The following COL4A6 variants were observed in gnomAD, a reference collection of about 807,000 sequenced individuals.
COL4A6 encodes collagen alpha-6(IV) chain.
A neutral mutation model predicts 126.7 loss-of-function variants in COL4A6; 59 were observed. The ratio of observed to expected loss-of-function variants is 0.47; its 90% CI spans 0.38 to 0.58. COL4A6 has a LOEUF of 0.58. Ranked by LOEUF, COL4A6 falls within the 20% of genes least tolerant of loss-of-function variation. The pLI, the probability that COL4A6 is intolerant of heterozygous loss-of-function variation, is 0.00. For synonymous variants in COL4A6, 547 were observed against 496.6 expected, an observed-to-expected ratio of 1.10 and a Z score of -1.35; for missense variants, 1,285 against 1,337.3, an observed-to-expected ratio of 0.96 and a Z score of 0.61.
rs1277343563 is a variant in COL4A6 at position 108,398,922 on chromosome X, T to A, written c.63+39020A>T. 2.7e-5 allele frequency among the ~76,000 whole-genome samples: 3 copies of A among 111,611 alleles called. No individual in the cohort carries two copies. In the East Asian group the frequency reaches 8.4e-4, roughly 31 times the overall value. On this transcript the variant is annotated intron_variant, in intron 2 of 44. Coordinates refer to ENST00000334504, the MANE Select transcript of COL4A6 (RefSeq NM_033641.4). ...GAAAGACAAAAGAGAAAAGTGGCAA[T>A]AAATACTTTGGCGCTAGAGTGTCAG...
rs1465366524 is a variant in COL4A6, at chrX:108,179,452, G to C, written c.2132-14C>G. The C allele has an allele frequency of 3.4e-6, 4 of 1,172,734 alleles. No individual in the cohort carries two copies. The highest frequency in any genetic ancestry group is 4.6e-6 in the Non-Finnish European group (4 of 868,715). Reference sequence around the variant, plus strand: ...GTCCAGGAAATCCTAAACGTAAAAAGGCGAACATAAAAGACCATGGCTGTT... The same window carrying C: ...GTCCAGGAAATCCTAAACGTAAAAACGCGAACATAAAAGACCATGGCTGTT... On this transcript the variant is annotated splice_polypyrimidine_tract_variant and intron_variant, in intron 25 of 44. Coordinates refer to ENST00000334504, the MANE Select transcript of COL4A6 (RefSeq NM_033641.4).
chrX:108,420,930 T>C lies in COL4A6; in HGVS notation c.63+17012A>G, dbSNP rs755996815. ...AGCAGGGGAGAACTACATTTTTACT[T>C]TCTGAGGTCCTTAAAAGTGACCGGG... On this transcript the variant is annotated intron_variant, in intron 2 of 44. Transcript: ENST00000334504. Among the ~76,000 whole-genome samples, 7 of 111,835 alleles carry C rather than the reference T, an allele frequency of 6.3e-5. No individual in the cohort carries two copies. The East Asian group carries it at 2.0e-3, about 32-fold the overall frequency.
chrX:108,357,067 T>C lies in COL4A6; in HGVS notation c.64-46239A>G, dbSNP rs957900395. On this transcript the variant is annotated intron_variant, in intron 2 of 44. Transcript: ENST00000334504. ...TTACCTCTTTCTAGGCTGTTCTCTA[T>C]TCCTTTTTAGCAGTTTGGTTTTTCT... 5.4e-5 allele frequency among the ~76,000 whole-genome samples: 6 copies of C among 112,146 alleles called. No homozygotes were observed. The South Asian group carries it at 1.9e-3, about 35-fold the overall frequency.
At chrX:108,341,506 G>A (rs1298274303) in intron 2 of COL4A6, among the ~76,000 whole-genome samples, 1 of 110,446 alleles carries the variant, frequency 9.1e-6, no homozygotes, top group Non-Finnish European at 1.9e-5. Flanking sequence ...CTTTCTTTTG[G>A]CTCTCATTCT....
intron 3 of COL4A6, among the ~76,000 whole-genome samples, chrX:108,310,332 C>G (rs1232707753): frequency 8.9e-6 from 1 of 112,016 alleles, no homozygotes; most frequent in Non-Finnish European, 1.9e-5. Context: ...CTATCACTAA[C>G]AAGCAGGGTG....
chrX:108,439,339 C>T (rs991633254), upstream of COL4A6: 1 of 773,488 alleles, frequency 1.3e-6, no homozygotes, highest in Non-Finnish European at 1.9e-6. Flanking sequence ...TATTCACGCA[C>T]ATATACTTAT....
At chrX:108,332,617 T>A (rs1360826138) in intron 2 of COL4A6, among the ~76,000 whole-genome samples, 1 of 112,244 alleles carries the variant, frequency 8.9e-6, no homozygotes, top group Non-Finnish European at 1.9e-5. Flanking sequence ...TTGGGCATGT[T>A]TTCATGTTTG....
chrX:108,236,359 A>G (rs2036429761), intron 3 of COL4A6, among the ~76,000 whole-genome samples: 1 of 111,093 alleles, frequency 9.0e-6, no homozygotes, highest in Admixed American at 9.6e-5. Context: ...GGGTGGGAGA[A>G]GCTCTAGTAA....
intron 3 of COL4A6, among the ~76,000 whole-genome samples, chrX:108,224,410 C>A (rs900110171): frequency 1.8e-5 from 2 of 112,074 alleles, no homozygotes; most frequent in Admixed American, 1.9e-4. Flanking sequence ...GGACTGGCCC[C>A]AGGTTCCAGC....
At chrX:108,418,603 C>A (rs1569461923) in intron 2 of COL4A6, among the ~76,000 whole-genome samples, 1 of 112,078 alleles carries the variant, frequency 8.9e-6, no homozygotes, top group Non-Finnish European at 1.9e-5. Context: ...GTAAAACTGG[C>A]TTTGACTTTG....
intron 2 of COL4A6, among the ~76,000 whole-genome samples, chrX:108,388,887 T>C (rs1029633998): frequency 1.8e-5 from 2 of 111,909 alleles, no homozygotes; most frequent in African/African-American, 6.5e-5. Context: ...ACTGCTTTAA[T>C]GTGTCCCAGT....
intron 2 of COL4A6, among the ~76,000 whole-genome samples, chrX:108,419,833 C>T (rs1278675690): frequency 8.9e-6 from 1 of 111,838 alleles, no homozygotes; most frequent in African/African-American, 3.2e-5. Context: ...TTGTCCATCG[C>T]TACAGCATAC....
intron 2 of COL4A6, among the ~76,000 whole-genome samples, chrX:108,391,380 A>G (rs190817269): frequency 9.0e-6 from 1 of 111,673 alleles, no homozygotes; most frequent in African/African-American, 3.3e-5. Flanking sequence ...CCTTTTTTTC[A>G]GAGACACCCT....
At chrX:108,254,502 GTTTTTGT>G (rs752616123) in intron 3 of COL4A6, among the ~76,000 whole-genome samples, 71 of 110,895 alleles carry the variant, frequency 6.4e-4, no homozygotes, top group African/African-American at 1.5e-3. Flanking sequence ...AGTTCACTTT[GTTTTTGT>G]TTTTTGTTTT....
At chrX:108,201,218 G>A (rs747230668) in intron 13 of COL4A6, among the ~76,000 whole-genome samples, 94 of 111,811 alleles carry the variant, frequency 8.4e-4, no homozygotes, top group African/African-American at 2.7e-3. Flanking sequence ...AAGGAATGGA[G>A]TCATCTATCC....
intron 3 of COL4A6, among the ~76,000 whole-genome samples, chrX:108,284,012 A>AG (rs1195744206): frequency 8.9e-6 from 1 of 111,807 alleles, no homozygotes; most frequent in Non-Finnish European, 1.9e-5. Context: ...ATACAGAGGC[A>AG]GAAATAACTG....
chrX:108,258,779 T>C (rs1047611879), intron 3 of COL4A6, among the ~76,000 whole-genome samples: 6 of 111,951 alleles, frequency 5.4e-5, no homozygotes, highest in African/African-American at 1.6e-4. Context: ...GTAATTATAG[T>C]ATTTAATAAA....
At chrX:108,192,849 A>G (rs889719524) in intron 17 of COL4A6, among the ~76,000 whole-genome samples, 1 of 112,576 alleles carries the variant, frequency 8.9e-6, no homozygotes, top group African/African-American at 3.2e-5. Flanking sequence ...TTCTTCTACC[A>G]CTAATCTGCT....
chrX:108,175,226 G>A lies in COL4A6; in HGVS notation c.2831-11C>T. The A allele has an allele frequency of 8.6e-7, 1 of 1,164,001 alleles. No individual in the cohort carries two copies. The highest frequency in any genetic ancestry group is 1.1e-6 in the Non-Finnish European group (1 of 874,047). On this transcript the variant is annotated splice_polypyrimidine_tract_variant and intron_variant, in intron 29 of 44. Transcript: ENST00000334504. Reference sequence around the variant, plus strand: ...GATTGCCTCTGTCTCCTGCAGGGATGGAGATCAGCATGAGAAAGAGAGCTT... The same window carrying A: ...GATTGCCTCTGTCTCCTGCAGGGATAGAGATCAGCATGAGAAAGAGAGCTT...
Sources: gnomAD v4.1 joint callset for allele counts (sites outside exome capture counted in the v4.1 genomes callset) on GRCh38, gnomAD v4.1.1 for gene constraint, MANE v1.5 for transcripts, NCBI Gene and HGNC (gene_info 2026-07-23, HGNC 2026-07-21) for gene names.